The following FLNC variants were observed in gnomAD, a reference collection of about 807,000 sequenced individuals.
FLNC encodes the protein filamin-C.
Under a neutral mutation model 254.3 loss-of-function variants are expected in FLNC, and 91 were observed. That is an observed-to-expected ratio of 0.36 (90% confidence interval 0.30 to 0.43). The LOEUF is 0.43. FLNC is among the 20% of genes least tolerant of loss of function. The pLI, the probability that FLNC is intolerant of heterozygous loss-of-function variation, is 1.00. For synonymous variants in FLNC, 1,430 were observed against 1,577.2 expected, an observed-to-expected ratio of 0.91 and a Z score of 2.21; for missense variants, 2,853 against 3,802.6, an observed-to-expected ratio of 0.75 and a Z score of 6.57.
rs1250893880 is a variant in FLNC, at chr7:128,830,848, A to G, written c.211A>G (p.Ile71Val). The change falls in exon 1 of 48, where the codon ATC (isoleucine) becomes GTC (valine). Residue 71 changes from isoleucine (I) to valine (V), a missense_variant. Physicochemically the swap from Ile to Val is conservative, Grantham distance 29 (BLOSUM62 3). This residue lies in a region of FLNC where 59 missense variants were observed against 59.8 expected (regional missense o/e 0.99). Coordinates refer to ENST00000325888, the MANE Select transcript of FLNC (RefSeq NM_001458.5). The stretch of plus-strand genomic sequence containing the variant: ...CGACCTCAGCGACGGGCTCCGGCTC[A>G]TCGCGCTGCTCGAGGTGCTCAGCCA... ...QRDLSDGLRL[I>V]ALLEVLSQKR... 1 of 1,613,090 alleles carries G rather than the reference A, an allele frequency of 6.2e-7. No homozygotes were observed. The highest frequency in any genetic ancestry group is 8.5e-7 in the Non-Finnish European group (1 of 1,179,950).
chr7:128,851,960 G>T (rs1360445949), intron 35 of FLNC, among the ~76,000 whole-genome samples: 1 of 152,176 alleles, frequency 6.6e-6, no homozygotes, highest in Non-Finnish European at 1.5e-5. Context: ...CCGCCTCCCG[G>T]GTTCATGCCA....
At position 128,856,914 on chromosome 7, in the gene FLNC, C is replaced by T. The variant is rs761216494; in HGVS notation, c.7554C>T (p.Gly2518=). The change falls in exon 45 of 48, where the codon GGC becomes GGT. Residue 2518 remains glycine (G), a synonymous_variant. Transcript: ENST00000325888. The surrounding 1 kb of genome is among the most constrained non-coding windows in gnomAD (Gnocchi z 5.9). ...VSAYGPGLEG[G]TTGVSSEFIV... ...CCTACGGTCCTGGGCTCGAGGGAGG[C>T]ACTACCGGTGAGTGCCTGGAGCTGG... 5.6e-6 allele frequency: 9 copies of T among 1,613,860 alleles called. No homozygotes were observed. Among genetic ancestry groups the T allele is most frequent in the Non-Finnish European group, 7.6e-6 (9 of 1,179,894 alleles).
chr7:128,847,657 C>G (rs202167410), intron 24 of FLNC, 40 bp from the exon 25 acceptor site: 7 of 1,612,944 alleles, frequency 4.3e-6, no homozygotes, highest in Non-Finnish European at 5.9e-6. Flanking sequence ...GGGGACCCAT[C>G]AGGGCTGGTG....
At position 128,856,281 on chromosome 7, in the gene FLNC, C is replaced by T. The variant is rs534359599; in HGVS notation, c.7252-237C>T. On this transcript the variant is annotated intron_variant, in intron 43 of 47. Coordinates refer to ENST00000325888, the MANE Select transcript of FLNC (RefSeq NM_001458.5). This position sits in a 1 kb window ranked among gnomAD's most constrained non-coding sequence, Gnocchi z 5.9. ...CTTCCTCAGCCAGGACAGGGCACATCGTCTGTCATCTCCCACACACCAAGC... is the reference window on the plus strand; with the variant it reads ...CTTCCTCAGCCAGGACAGGGCACATTGTCTGTCATCTCCCACACACCAAGC... Among the ~76,000 whole-genome samples, 543 of 152,350 alleles carry T rather than the reference C, an allele frequency of 3.6e-3. 3 individuals are homozygous for T. The highest frequency in any genetic ancestry group is 0.012 in the African/African-American group (512 of 41,590).
chr7:128,835,672 C>T lies in FLNC; in HGVS notation c.601+98C>T. On this transcript the variant is annotated intron_variant, in intron 2 of 47. Coordinates refer to ENST00000325888, the MANE Select transcript of FLNC (RefSeq NM_001458.5). The surrounding 1 kb of genome is among the most constrained non-coding windows in gnomAD (Gnocchi z 5.3). ...GGCGTGTGGTTGTCAGAATGCACAC[C>T]CTGGGGCCTGGGGGCCAGGATCCCC... The T allele has an allele frequency of 7.4e-7, 1 of 1,343,208 alleles. No homozygotes were observed. Among genetic ancestry groups the T allele is most frequent in the Admixed American group, 1.8e-5 (1 of 56,276 alleles). 83.2% of individuals were successfully genotyped at this position (1,343,208 alleles called of 1,614,324 possible).
intron 1 of FLNC, among the ~76,000 whole-genome samples, chr7:128,834,785 T>C (rs1222096897): frequency 1.3e-5 from 2 of 151,968 alleles, no homozygotes; most frequent in East Asian, 3.9e-4. Flanking sequence ...TTGCTTGGGA[T>C]GGAGGGACAA....
chr7:128,848,076 C>T lies in FLNC; in HGVS notation c.4580+8C>T. The T allele has an allele frequency of 6.3e-7, 1 of 1,599,806 alleles. No individual in the cohort carries two copies. Among genetic ancestry groups the T allele is most frequent in the Non-Finnish European group, 8.5e-7 (1 of 1,172,936 alleles). ...CCAGGAGGTGCCACGCAGGTGAGGA[C>T]CAGCCCTGGGCTCCTGTGCTGCGGC... On this transcript the variant is annotated splice_region_variant and intron_variant, in intron 26 of 47. Transcript: ENST00000325888.
rs769643482 is a variant in FLNC at position 128,849,993 on chromosome 7, G to C, written c.5217G>C (p.Pro1739=). 11 of 1,585,716 alleles carry C rather than the reference G, an allele frequency of 6.9e-6. No homozygotes were observed. The highest frequency in any genetic ancestry group is 8.5e-6 in the Non-Finnish European group (10 of 1,171,396). Residue 1739 remains proline (P), a synonymous_variant, in exon 31 of 48, where the codon CCG becomes CCC. Transcript: ENST00000325888. ...CTCCCCAGGCGTGTGACCCCCTGCC[G>C]CACGAGGAGGAGCCCTCTGAAGTGC... ...PFHVLACDPL[P]HEEEPSEVPQ...
intron 20 of FLNC, 38 bp from the exon 21 acceptor site, chr7:128,844,620 C>T: frequency 6.3e-7 from 1 of 1,575,458 alleles, no homozygotes; most frequent in Non-Finnish European, 8.7e-7. Flanking sequence ...GATGAGGAGG[C>T]CAGGTGCAGG....
In FLNC at chr7:128,842,382, C is replaced by T. The variant is rs1808370968; in HGVS notation, c.2265+8C>T. 1 of 1,613,114 alleles carries T rather than the reference C, an allele frequency of 6.2e-7. No individual in the cohort carries two copies. Among genetic ancestry groups the T allele is most frequent in the African/African-American group, 1.3e-5 (1 of 74,920 alleles). On this transcript the variant is annotated splice_region_variant and intron_variant, in intron 14 of 47. Coordinates refer to ENST00000325888, the MANE Select transcript of FLNC (RefSeq NM_001458.5). This position sits in a 1 kb window ranked among gnomAD's most constrained non-coding sequence, Gnocchi z 5.4. ...CCCAAGAGCCCCTTCCGGGTGCGTC[C>T]TCCCGGCCTGCCCCGTGCCCACCAC...
chr7:128,830,672 T>A lies in FLNC; in HGVS notation c.35T>A (p.Leu12His). 6.2e-7 allele frequency: 1 copy of A among 1,612,540 alleles called. No homozygotes were observed. Among genetic ancestry groups the A allele is most frequent in the Non-Finnish European group, 8.5e-7 (1 of 1,179,900 alleles). Residue 12 changes from leucine to histidine, a missense_variant, in exon 1 of 48, where the codon CTC becomes CAC. Coordinates refer to ENST00000325888, the MANE Select transcript of FLNC (RefSeq NM_001458.5). ...MNNSGYSDAG[L>H]GLGDETDEMP... ...AACAGCGGCTACTCAGACGCCGGCC[T>A]CGGCCTGGGCGATGAGACAGACGAG...
Position 128,856,394 on chromosome 7 carries a change from G to A in FLNC, c.7252-124G>A. 1 of 1,320,474 alleles carries A rather than the reference G, an allele frequency of 7.6e-7. No individual in the cohort carries two copies. Among genetic ancestry groups the A allele is most frequent in the East Asian group, 2.3e-5 (1 of 43,304 alleles). The allele number at this position is 1,320,474 out of a possible 1,614,324, so 81.8% of individuals were successfully genotyped here. Reference sequence around the variant, plus strand: ...AGGCTGGGCTGGCAGGCAGGGGCCAGGCTGGGCATGGGGTGGCAGCAGCCT... The same window carrying A: ...AGGCTGGGCTGGCAGGCAGGGGCCAAGCTGGGCATGGGGTGGCAGCAGCCT... On this transcript the variant is annotated intron_variant, in intron 43 of 47. Coordinates refer to ENST00000325888, the MANE Select transcript of FLNC (RefSeq NM_001458.5). This position sits in a 1 kb window ranked among gnomAD's most constrained non-coding sequence, Gnocchi z 5.9.
intron 24 of FLNC, among the ~76,000 whole-genome samples, 171 bp from the exon 25 acceptor site, chr7:128,847,526 C>T (rs1808613139): frequency 6.6e-6 from 1 of 152,206 alleles, no homozygotes; most frequent in African/African-American, 2.4e-5. Context: ...CAGTCAAGTT[C>T]ATTTATTCTT....
At chr7:128,837,001 C>T (rs541068149) in intron 2 of FLNC, among the ~76,000 whole-genome samples, 159 bp from the exon 3 acceptor site, 10 of 152,236 alleles carry the variant, frequency 6.6e-5, no homozygotes, top group African/African-American at 9.6e-5. Context: ...TGAGGGGCCT[C>T]GAAGCTGATG....
chr7:128,856,980 G>C lies in FLNC; in HGVS notation c.7561+59G>C. On this transcript the variant is annotated intron_variant, in intron 45 of 47. Coordinates refer to ENST00000325888, the MANE Select transcript of FLNC (RefSeq NM_001458.5). This position sits in a 1 kb window ranked among gnomAD's most constrained non-coding sequence, Gnocchi z 5.9. ...CTGGGGGTGCTTGGCCACTAGTCTG[G>C]TGCTGCTTTGCTCCAGAGGTAGGGG... 1 of 1,596,594 alleles carries C rather than the reference G, an allele frequency of 6.3e-7. No homozygotes were observed. The highest frequency in any genetic ancestry group is 8.6e-7 in the Non-Finnish European group (1 of 1,166,080).
chr7:128,846,148 A>G lies in FLNC; in HGVS notation c.3949A>G (p.Thr1317Ala), dbSNP rs377555574. ...NGDGTYRVQYTAYEEGVHLVE... is the reference protein window; with the variant it reads ...NGDGTYRVQYAAYEEGVHLVE... ...GGACGGCACCTACCGAGTGCAGTAC[A>G]CCGCCTACGAGGAGGGTGAGGGCCG... The change falls in exon 22 of 48, where the codon ACC becomes GCC. Residue 1317 changes from threonine to alanine, a missense_variant. Transcript: ENST00000325888. The G allele has an allele frequency of 3.1e-5, 50 of 1,613,624 alleles. 2 individuals are homozygous for G. The South Asian group carries it at 4.5e-4, about 15-fold the overall frequency.
Position 128,853,305 on chromosome 7 carries a change from G to A in FLNC, c.6209-164G>A, listed in dbSNP as rs143740252. 515 of 852,798 alleles carry A rather than the reference G, an allele frequency of 6.0e-4. 4 individuals are homozygous for A. In the African/African-American group the frequency reaches 7.5e-3, roughly 12 times the overall value. 52.8% of individuals were successfully genotyped at this position (852,798 alleles called of 1,614,324 possible). A position where few individuals can be genotyped will look rare whatever the true frequency, so the allele number is the denominator to read the frequency against. ...CTTACCTTAGGGAATTTTCCAGACC[G>A]CCTGTCCCGTGGTGCCCCCGCTCCT... On this transcript the variant is annotated intron_variant, in intron 37 of 47. Coordinates refer to ENST00000325888, the MANE Select transcript of FLNC (RefSeq NM_001458.5).
At position 128,854,191 on chromosome 7, in the gene FLNC, C is replaced by T. The variant is rs370589662; in HGVS notation, c.6702C>T (p.Phe2234=). 1.2e-5 allele frequency: 20 copies of T among 1,607,730 alleles called. No homozygotes were observed. In the Admixed American group the frequency reaches 1.3e-4, roughly 11 times the overall value. Residue 2234 remains phenylalanine (F), a synonymous_variant, in exon 40 of 48, where the codon TTC becomes TTT. Coordinates refer to ENST00000325888, the MANE Select transcript of FLNC (RefSeq NM_001458.5). The part of the protein sequence containing the change: ...DFLGRERLGS[F]GSITRQQEGE... ...TGGGCCGGGAGCGCCTGGGATCCTTCGGCAGCATCACCCGGCAGCAGGAGG... is the reference window on the plus strand; with the variant it reads ...TGGGCCGGGAGCGCCTGGGATCCTTTGGCAGCATCACCCGGCAGCAGGAGG...
At position 128,853,989 on chromosome 7, in the gene FLNC, T is replaced by C. The variant is rs751507158; in HGVS notation, c.6500T>C (p.Met2167Thr). The change falls in exon 40 of 48, where the codon ATG (methionine) becomes ACG (threonine). Residue 2167 changes from methionine (M) to threonine (T), a missense_variant. By Grantham distance (81) the Met-to-Thr change is moderately conservative (BLOSUM62 -1). This residue lies in a region of FLNC where 551 missense variants were observed against 835.0 expected (regional missense o/e 0.66). Coordinates refer to ENST00000325888, the MANE Select transcript of FLNC (RefSeq NM_001458.5). ...GACCACACAGGAAACTGGTTCCAGA[T>C]GGTGTCTGCCCAGGAGCGCCTGACA... Reference protein sequence around the residue: ...NLKIPGNWFQMVSAQERLTRT... With the variant: ...NLKIPGNWFQTVSAQERLTRT... 17 of 1,613,290 alleles carry C rather than the reference T, an allele frequency of 1.1e-5. No homozygotes were observed. Among genetic ancestry groups the C allele is most frequent in the Non-Finnish European group, 1.4e-5 (17 of 1,179,998 alleles).
Sources: allele counts gnomAD v4.1 joint callset (sites outside exome capture counted in the v4.1 genomes callset), GRCh38; gene constraint gnomAD v4.1.1; regional missense constraint gnomAD v4.1.1; non-coding constraint Gnocchi (gnomAD v3.1); transcripts MANE v1.5; gene names NCBI Gene and HGNC (gene_info 2026-07-23, HGNC 2026-07-21).